TAF4B: variants seen among roughly 807,000 people sequenced by gnomAD.
TAF4B encodes transcription initiation factor TFIID subunit 4B.
Under a neutral mutation model 86.4 loss-of-function variants are expected in TAF4B, and 38 were observed. That is an observed-to-expected ratio of 0.44 (90% CI 0.34 to 0.58). TAF4B has a LOEUF of 0.58. TAF4B is among the 20% of genes least tolerant of loss of function. The probability of loss-of-function intolerance (pLI) is 0.02; values close to 1 mark genes in which losing one functional copy is unlikely to be tolerated. For synonymous variants in TAF4B, 388 were observed against 391.2 expected (o/e 0.99, Z 0.10); for missense variants, 988 against 1,027.6 (o/e 0.96, Z 0.53).
intron 1 of TAF4B, among the ~76,000 whole-genome samples, chr18:26,229,217 T>G (rs527269918): frequency 6.6e-6 from 1 of 152,268 alleles, no homozygotes; most frequent in East Asian, 1.9e-4. Context: ...TAGCACTGTA[T>G]TAAAACATTG....
intron 1 of TAF4B, among the ~76,000 whole-genome samples, chr18:26,242,697 T>C (rs1329397199): frequency 6.6e-6 from 1 of 152,244 alleles, no homozygotes; most frequent in East Asian, 1.9e-4. Flanking sequence ...CTTTACAATT[T>C]GGCATGTTTT....
In TAF4B at chr18:26,226,563, A is replaced by C; in HGVS notation, c.-371A>C. 1 of 180,818 alleles carries C rather than the reference A, an allele frequency of 5.5e-6. No individual in the cohort carries two copies. Among genetic ancestry groups the C allele is most frequent in the Non-Finnish European group, 1.1e-5 (1 of 87,226 alleles). The allele number at this position is 180,818 out of a possible 1,614,324, so 11.2% of individuals were successfully genotyped here. A position where few individuals can be genotyped will look rare whatever the true frequency, so the allele number is the denominator to read the frequency against. ...ATTTCTGGCGGGGGAGCAGCTGCGC[A>C]GTTAGGCTCGAGGTGTGAGCGACGA... On this transcript the variant is annotated 5_prime_UTR_variant, in exon 1 of 15. Transcript: ENST00000269142.
rs776197872 is a variant in TAF4B at position 26,292,276 on chromosome 18, A to G, written c.1621A>G (p.Lys541Glu). 1 of 1,614,172 alleles carries G rather than the reference A, an allele frequency of 6.2e-7. No homozygotes were observed. Among genetic ancestry groups the G allele is most frequent in the Non-Finnish European group, 8.5e-7 (1 of 1,180,024 alleles). Residue 541 changes from lysine to glutamate, a missense_variant, in exon 8 of 15, where the codon AAA becomes GAA. By Grantham distance (56) the Lys-to-Glu change is moderately conservative (BLOSUM62 1). This residue lies in a region of TAF4B where 747 missense variants were observed against 737.9 expected (regional missense o/e 1.01). Coordinates refer to ENST00000269142, the MANE Select transcript of TAF4B (RefSeq NM_005640.3). ...VVQQPSGGNE[K>E]QVTTISHSST... ...TCAGCAGCCTTCAGGAGGCAATGAA[A>G]AACAAGTGACCACAATTTCACATTC...
intron 9 of TAF4B, among the ~76,000 whole-genome samples, chr18:26,312,130 T>C (rs996922588): frequency 3.9e-5 from 6 of 152,202 alleles, no homozygotes; most frequent in African/African-American, 1.4e-4. Context: ...AGCACCTTCA[T>C]CGAAAGACAC....
intron 6 of TAF4B, among the ~76,000 whole-genome samples, chr18:26,284,662 G>A (rs1199925744): frequency 6.6e-6 from 1 of 152,200 alleles, no homozygotes; most frequent in African/African-American, 2.4e-5. Context: ...CGGATCACCT[G>A]AGGTGAGGAG....
At chr18:26,324,048 T>C (rs1327158765) in intron 11 of TAF4B, among the ~76,000 whole-genome samples, 1 of 152,218 alleles carries the variant, frequency 6.6e-6, no homozygotes, top group Non-Finnish European at 1.5e-5. Flanking sequence ...TCTCATTTCG[T>C]TTTGGATATA....
chr18:26,240,020 G>A (rs577750440), intron 1 of TAF4B, among the ~76,000 whole-genome samples: 50 of 152,266 alleles, frequency 3.3e-4, no homozygotes, highest in African/African-American at 7.0e-4. Flanking sequence ...GTCAGGTAGC[G>A]TGATGCCTCC....
chr18:26,232,046 T>C (rs552906233), intron 1 of TAF4B, among the ~76,000 whole-genome samples: 1 of 152,256 alleles, frequency 6.6e-6, no homozygotes, highest in Admixed American at 6.5e-5. Flanking sequence ...GATTGGTGCA[T>C]TTTACAGAGT....
At chr18:26,335,704 A>G (rs1357060330) in intron 13 of TAF4B, among the ~76,000 whole-genome samples, 12 of 152,106 alleles carry the variant, frequency 7.9e-5, no homozygotes, top group African/African-American at 2.4e-4. Context: ...TCTGGAATGG[A>G]GCCCTTGTTT....
intron 1 of TAF4B, chr18:26,255,551 A>G (rs2056069472): frequency 1.8e-6 from 1 of 547,852 alleles, no homozygotes; most frequent in Non-Finnish European, 3.2e-6. Flanking sequence ...GCAGTGAGCC[A>G]AGATCACGCC....
rs141593100 is a variant in TAF4B at position 26,325,123 on chromosome 18, A to G, written c.2134-1892A>G. Among the ~76,000 whole-genome samples, 273 of 152,354 alleles carry G rather than the reference A, an allele frequency of 1.8e-3. 1 individual carries two copies. The highest frequency in any genetic ancestry group is 6.1e-3 in the African/African-American group (255 of 41,596). On this transcript the variant is annotated intron_variant, in intron 11 of 14. Coordinates refer to ENST00000269142, the MANE Select transcript of TAF4B (RefSeq NM_005640.3). Reference sequence around the variant, plus strand: ...TAGTCATAAACTGAGATCTAAGTAAATAAGTAGAAAGTGACATGTAGTACA... The same window carrying G: ...TAGTCATAAACTGAGATCTAAGTAAGTAAGTAGAAAGTGACATGTAGTACA...
chr18:26,286,108 C>A lies in TAF4B; in HGVS notation c.1199C>A (p.Ala400Asp). 1 of 1,614,210 alleles carries A rather than the reference C, an allele frequency of 6.2e-7. No individual in the cohort carries two copies. The highest frequency in any genetic ancestry group is 8.5e-7 in the Non-Finnish European group (1 of 1,180,022). ...TVSVQTLNPL[A>D]GPVGAKAGVV... ...TCAGTGCAAACTTTGAACCCACTTG[C>A]TGGTCCAGTGGGAGCAAAAGCTGGA... Residue 400 changes from alanine to aspartate, a missense_variant, in exon 7 of 15, where the codon GCT (alanine) becomes GAT (aspartate). Around this residue, in one of 3 missense-constraint regions of TAF4B, gnomAD observed 747 missense variants for 737.9 expected, o/e 1.01. Transcript: ENST00000269142.
At chr18:26,338,494 G>GT in intron 13 of TAF4B, among the ~76,000 whole-genome samples, 1 of 11,558 alleles carries the variant, frequency 8.7e-5, no homozygotes, top group African/African-American at 3.0e-4. Flanking sequence ...TTTTTTTTTT[G>GT]GGAGACGGAA....
intron 1 of TAF4B, among the ~76,000 whole-genome samples, chr18:26,243,152 TCTC>T (rs759087912): frequency 1.4e-4 from 22 of 152,344 alleles, no homozygotes; most frequent in Middle Eastern, 3.4e-3. Context: ...TTGGGGAAGT[TCTC>T]CTGGTTAATA....
intron 5 of TAF4B, among the ~76,000 whole-genome samples, chr18:26,277,019 C>T (rs1240509206): frequency 1.3e-5 from 2 of 152,058 alleles, no homozygotes; most frequent in African/African-American, 4.8e-5. Context: ...CTTGAGGACT[C>T]CCCAAGGCAT....
At chr18:26,355,106 G>A (rs1175415544) in intron 13 of TAF4B, among the ~76,000 whole-genome samples, 1 of 152,092 alleles carries the variant, frequency 6.6e-6, no homozygotes, top group Non-Finnish European at 1.5e-5. Flanking sequence ...ACCTGTATGT[G>A]TTAGATTTAT....
At chr18:26,243,043 A>C (rs2055864869) in intron 1 of TAF4B, among the ~76,000 whole-genome samples, 1 of 152,264 alleles carries the variant, frequency 6.6e-6, no homozygotes, top group Middle Eastern at 3.4e-3. Flanking sequence ...AACTTTGGTG[A>C]ATCTGACAAT....
Position 26,279,088 on chromosome 18 carries a change from G to A in TAF4B, c.883-2883G>A, listed in dbSNP as rs148571405. On this transcript the variant is annotated intron_variant, in intron 5 of 14. Coordinates refer to ENST00000269142, the MANE Select transcript of TAF4B (RefSeq NM_005640.3). The stretch of plus-strand genomic sequence containing the variant: ...TAGGAAAAAAAAGGAGTAAAACTCT[G>A]TCTTCACTGATGATATGATTCTATG... Among the ~76,000 whole-genome samples, 751 of 152,150 alleles carry A rather than the reference G, an allele frequency of 4.9e-3. 6 individuals are homozygous for A. The highest frequency in any genetic ancestry group is 0.018 in the African/African-American group (730 of 41,522).
At chr18:26,373,161 G>A (rs1002700214) in intron 14 of TAF4B, among the ~76,000 whole-genome samples, 3 of 152,128 alleles carry the variant, frequency 2.0e-5, no homozygotes, top group Admixed American at 6.5e-5. Flanking sequence ...CACAGAGAGA[G>A]ACACGTTTGG....
Sources: allele counts gnomAD v4.1 joint callset (sites outside exome capture counted in the v4.1 genomes callset), GRCh38; gene constraint gnomAD v4.1.1; regional missense constraint gnomAD v4.1.1; transcripts MANE v1.5; gene names NCBI Gene and HGNC (gene_info 2026-07-23, HGNC 2026-07-21).